The following NCKAP5 variants were observed in gnomAD, a reference collection of about 807,000 sequenced individuals.
The protein encoded by NCKAP5 is nck-associated protein 5.
NCKAP5 carries 92 observed loss-of-function variants against 167.0 expected under a neutral mutation model. That is an observed-to-expected ratio of 0.55 (90% CI 0.47 to 0.66). The LOEUF (loss-of-function observed/expected upper bound fraction) is 0.66, where lower values mean the gene tolerates loss of function less well. Ranked by LOEUF, NCKAP5 falls within the 30% of genes least tolerant of loss-of-function variation. The pLI is 0.00. For missense variants in NCKAP5, 2,378 were observed against 2,315.0 expected (o/e 1.03, Z -0.56); for synonymous variants, 891 against 877.4 (o/e 1.02, Z -0.27).
chr2:132,992,484 C>T (rs2077476768), intron 7 of NCKAP5, among the ~76,000 whole-genome samples: 1 of 152,104 alleles, frequency 6.6e-6, no homozygotes, highest in South Asian at 2.1e-4. Context: ...AGAATGATGC[C>T]TGATTATTTA....
intron 12 of NCKAP5, 58 bp from the exon 13 acceptor site, chr2:132,790,263 C>T: frequency 6.8e-7 from 1 of 1,472,502 alleles, no homozygotes; most frequent in African/African-American, 1.4e-5. Flanking sequence ...TAAATATCAA[C>T]ACAACCTTAT....
At position 133,189,919 on chromosome 2, in the gene NCKAP5, G is replaced by T. The variant is rs182907524; in HGVS notation, c.207+23797C>A. ...ATTCAACACAGTGTTGGAAGTTCTGGCCAGGGCAATCAGGCAGGAGAAAGA... is the reference window on the plus strand; with the variant it reads ...ATTCAACACAGTGTTGGAAGTTCTGTCCAGGGCAATCAGGCAGGAGAAAGA... On this transcript the variant is annotated intron_variant, in intron 5 of 19. Transcript: ENST00000409261. 4.0e-3 allele frequency among the ~76,000 whole-genome samples: 611 copies of T among 152,192 alleles called. 3 individuals carry two copies. The highest frequency in any genetic ancestry group is 0.014 in the African/African-American group (590 of 41,524).
At chr2:132,811,854 AC>A (rs995487915) in intron 11 of NCKAP5, among the ~76,000 whole-genome samples, 1 of 151,830 alleles carries the variant, frequency 6.6e-6, no homozygotes, top group African/African-American at 2.4e-5. Flanking sequence ...GTGGAGTTTT[AC>A]CCCCCGCTCC....
chr2:133,086,475 C>CA (rs2080995622), intron 6 of NCKAP5, among the ~76,000 whole-genome samples: 1 of 151,886 alleles, frequency 6.6e-6, no homozygotes, highest in Admixed American at 6.6e-5. Flanking sequence ...CTTATCTCTA[C>CA]AAAAAAATCT....
chr2:133,260,176 G>A (rs1574524283), intron 4 of NCKAP5, among the ~76,000 whole-genome samples: 1 of 152,188 alleles, frequency 6.6e-6, no homozygotes, highest in East Asian at 1.9e-4. Flanking sequence ...ACTTTCTGTT[G>A]CCAAATGTTC....
At chr2:133,124,115 G>C (rs2082330622) in intron 6 of NCKAP5, among the ~76,000 whole-genome samples, 1 of 152,202 alleles carries the variant, frequency 6.6e-6, no homozygotes, top group South Asian at 2.1e-4. Flanking sequence ...ATTACAGTAA[G>C]TAAAGAAATA....
chr2:133,129,960 C>T lies in NCKAP5; in HGVS notation c.341+18G>A. The T allele has an allele frequency of 1.3e-6, 2 of 1,584,862 alleles. No homozygotes were observed. Among genetic ancestry groups the T allele is most frequent in the Non-Finnish European group, 1.7e-6 (2 of 1,168,858 alleles). On this transcript the variant is annotated intron_variant, in intron 6 of 19. Coordinates refer to ENST00000409261, the MANE Select transcript of NCKAP5 (RefSeq NM_207363.3). Reference sequence around the variant, plus strand: ...GAGATGCACCTCAGGAAGCAATCTGCTCAGCTAAGAACAATACCTGGAGAA... The same window carrying T: ...GAGATGCACCTCAGGAAGCAATCTGTTCAGCTAAGAACAATACCTGGAGAA...
the NCKAP5 span, among the ~76,000 whole-genome samples, chr2:133,585,217 A>G: frequency 6.6e-6 from 1 of 152,256 alleles, no homozygotes; most frequent in Admixed American, 6.5e-5. Flanking sequence ...TGTTTAATGC[A>G]GTTTTAAAAT....
chr2:133,392,138 T>C (rs966467316), intron 3 of NCKAP5, among the ~76,000 whole-genome samples: 2 of 152,240 alleles, frequency 1.3e-5, no homozygotes, highest in Non-Finnish European at 2.9e-5. Context: ...ATATGGACAC[T>C]TGGATCAATG....
At chr2:133,021,282 C>T (rs35615951) in intron 6 of NCKAP5, among the ~76,000 whole-genome samples, 59,009 of 151,830 alleles carry the variant, frequency 0.39, 11,728 homozygotes, top group African/African-American at 0.46. Flanking sequence ...CAGGAAGGAG[C>T]GAATCTGGGG....
chr2:133,501,534 C>T (rs760318489), intron 3 of NCKAP5, among the ~76,000 whole-genome samples: 12 of 152,274 alleles, frequency 7.9e-5, no homozygotes, highest in Non-Finnish European at 1.6e-4. Context: ...CCAGCAATTT[C>T]GAGTTAACTT....
At chr2:132,787,766 T>C (rs566903331) in intron 13 of NCKAP5, among the ~76,000 whole-genome samples, 1 of 152,258 alleles carries the variant, frequency 6.6e-6, no homozygotes, top group South Asian at 2.1e-4. Context: ...ATCTGGGTAT[T>C]ATAGCTCCAC....
chr2:132,771,686 T>C (rs547793544), intron 16 of NCKAP5, among the ~76,000 whole-genome samples: 16 of 151,608 alleles, frequency 1.1e-4, no homozygotes, highest in Non-Finnish European at 2.1e-4. Flanking sequence ...TTGTTTTTTT[T>C]TTTTGAGACA....
At chr2:133,454,206 A>C (rs969701939) in intron 3 of NCKAP5, among the ~76,000 whole-genome samples, 1 of 152,092 alleles carries the variant, frequency 6.6e-6, no homozygotes, top group African/African-American at 2.4e-5. Flanking sequence ...GCATATGTAC[A>C]ATGGATAATA....
At chr2:133,015,612 C>A (rs2078305960) in intron 6 of NCKAP5, among the ~76,000 whole-genome samples, 1 of 152,186 alleles carries the variant, frequency 6.6e-6, no homozygotes, top group African/African-American at 2.4e-5. Flanking sequence ...TCTCCTGGAG[C>A]AAGGAGTGGA....
At chr2:133,157,777 G>A (rs2083628163) in intron 5 of NCKAP5, among the ~76,000 whole-genome samples, 1 of 152,020 alleles carries the variant, frequency 6.6e-6, no homozygotes, top group East Asian at 1.9e-4. Flanking sequence ...ATGGAGTGGT[G>A]GTAAACAACA....
intron 3 of NCKAP5, among the ~76,000 whole-genome samples, chr2:133,319,880 TAA>T (rs1681906384): frequency 6.6e-6 from 1 of 152,208 alleles, no homozygotes; most frequent in Non-Finnish European, 1.5e-5. Context: ...AAATTTGCTA[TAA>T]TAACGAATCA....
intron 3 of NCKAP5, among the ~76,000 whole-genome samples, chr2:133,386,983 G>T (rs1452840431): frequency 1.3e-5 from 2 of 152,128 alleles, no homozygotes; most frequent in Non-Finnish European, 2.9e-5. Context: ...ACACTGATGG[G>T]TCTTGACTCT....
intron 8 of NCKAP5, among the ~76,000 whole-genome samples, chr2:132,959,090 A>T (rs2076430845): frequency 7.3e-6 from 1 of 137,100 alleles, no homozygotes; most frequent in African/African-American, 3.1e-5. Flanking sequence ...TAATAAATAT[A>T]TTATTAATAT....
Sources: allele counts gnomAD v4.1 joint callset (sites outside exome capture counted in the v4.1 genomes callset), GRCh38; gene constraint gnomAD v4.1.1; transcripts MANE v1.5; gene names NCBI Gene and HGNC (gene_info 2026-07-23, HGNC 2026-07-21).